The following GRIK3 variants were observed in gnomAD, a reference collection of about 807,000 sequenced individuals.
GRIK3 encodes glutamate ionotropic receptor kainate type subunit 3, also known as glutamate receptor ionotropic, kainate 3.
GRIK3 carries 29 observed loss-of-function variants against 102.5 expected under a neutral mutation model. The ratio of observed to expected loss-of-function variants is 0.28; its 90% confidence interval spans 0.21 to 0.39. GRIK3 has a LOEUF of 0.39. GRIK3 is among the 10% of genes least tolerant of loss of function. The probability of loss-of-function intolerance (pLI) is 1.00; values close to 1 mark genes in which losing one functional copy is unlikely to be tolerated. For missense variants in GRIK3, 908 were observed against 1,252.4 expected, an observed-to-expected ratio of 0.73 and a Z score of 4.15; for synonymous variants, 511 against 504.9, an observed-to-expected ratio of 1.01 and a Z score of -0.16.
chr1:37,032,958 G>C (rs574175479), intron 1 of GRIK3, among the ~76,000 whole-genome samples: 8 of 152,296 alleles, frequency 5.3e-5, no homozygotes, highest in African/African-American at 1.9e-4. Flanking sequence ...TGGCTCGGCG[G>C]AGTCCGGCTC....
chr1:36,901,448 A>G (rs555871052), intron 1 of GRIK3, among the ~76,000 whole-genome samples: 4 of 152,356 alleles, frequency 2.6e-5, no homozygotes, highest in Admixed American at 2.0e-4. Flanking sequence ...TCACATGATC[A>G]TATCAACAGA....
intron 1 of GRIK3, among the ~76,000 whole-genome samples, chr1:37,017,582 G>A (rs1211205115): frequency 5.9e-5 from 9 of 152,150 alleles, no homozygotes; most frequent in South Asian, 2.1e-4. Context: ...ATCTCTTGCC[G>A]CACAGTTGGG....
intron 1 of GRIK3, among the ~76,000 whole-genome samples, chr1:37,006,724 G>A (rs1170807036): frequency 1.3e-5 from 2 of 152,244 alleles, no homozygotes; most frequent in Admixed American, 6.5e-5. Context: ...GCAGAGTGAG[G>A]GAGGTGGGGC....
chr1:37,030,733 A>T (rs1237986864), intron 1 of GRIK3, among the ~76,000 whole-genome samples: 1 of 152,022 alleles, frequency 6.6e-6, no homozygotes, highest in Admixed American at 6.5e-5. Flanking sequence ...CCTCAATCCT[A>T]CATATGCCCA....
intron 11 of GRIK3, among the ~76,000 whole-genome samples, chr1:36,822,605 C>T (rs79750872): frequency 0.017 from 2,658 of 152,244 alleles, 87 homozygotes; most frequent in African/African-American, 0.061. Flanking sequence ...TAGAAGTTGA[C>T]CTGGAGACAC....
At chr1:36,971,791 C>T (rs1449820503) in intron 1 of GRIK3, among the ~76,000 whole-genome samples, 1 of 152,188 alleles carries the variant, frequency 6.6e-6, no homozygotes, top group Non-Finnish European at 1.5e-5. Context: ...CCAGCACAGT[C>T]ATCAGCATCC....
At chr1:36,957,358 CCT>C (rs1270627148) in intron 1 of GRIK3, among the ~76,000 whole-genome samples, 4 of 147,016 alleles carry the variant, frequency 2.7e-5, no homozygotes, top group African/African-American at 7.6e-5. Context: ...GCCTATGCCC[CCT>C]GAGTCTGTGC....
rs574696621 is a variant in GRIK3, at chr1:36,852,351, A to G, written c.1212+1264T>C. Among the ~76,000 whole-genome samples the G allele has an allele frequency of 6.8e-4, 103 of 152,322 alleles. 1 individual carries two copies. Among genetic ancestry groups the G allele is most frequent in the Non-Finnish European group, 1.2e-3 (85 of 68,032 alleles). Reference sequence around the variant, plus strand: ...GGCAGAGCCAGCCTTTGCCTGAGGGACAGAGGTCACATCCTGCAACCAGGG... The same window carrying G: ...GGCAGAGCCAGCCTTTGCCTGAGGGGCAGAGGTCACATCCTGCAACCAGGG... On this transcript the variant is annotated intron_variant, in intron 8 of 15. Coordinates refer to ENST00000373091, the MANE Select transcript of GRIK3 (RefSeq NM_000831.4).
chr1:36,871,611 C>T (rs1640844542), intron 4 of GRIK3, among the ~76,000 whole-genome samples: 1 of 152,218 alleles, frequency 6.6e-6, no homozygotes, highest in Non-Finnish European at 1.5e-5. Context: ...CCCAGCAGGC[C>T]ATGCTGAGCT....
intron 15 of GRIK3, among the ~76,000 whole-genome samples, chr1:36,803,979 T>C (rs1642471012): frequency 1.3e-5 from 2 of 152,226 alleles, no homozygotes; most frequent in African/African-American, 4.8e-5. Context: ...CCAAAATGTA[T>C]GGATGCTGTG....
At chr1:36,874,080 A>G (rs1320601832) in intron 3 of GRIK3, among the ~76,000 whole-genome samples, 2 of 152,176 alleles carry the variant, frequency 1.3e-5, no homozygotes. Flanking sequence ...TTTTTGCTTA[A>G]GCCAGTTTGC....
At chr1:36,958,430 A>AGT (rs774252745) in intron 1 of GRIK3, among the ~76,000 whole-genome samples, 1 of 93,636 alleles carries the variant, frequency 1.1e-5, no homozygotes, top group Non-Finnish European at 2.0e-5. Context: ...GTGCCCCGTG[A>AGT]CTCTGTGCCC....
chr1:36,822,344 G>A (rs1439249605), intron 11 of GRIK3, among the ~76,000 whole-genome samples: 2 of 152,226 alleles, frequency 1.3e-5, no homozygotes, highest in Admixed American at 6.5e-5. Context: ...GCCGTTACAG[G>A]TTGGGGTCCT....
At chr1:36,803,588 G>A (rs1356918344) in intron 15 of GRIK3, among the ~76,000 whole-genome samples, 1 of 151,998 alleles carries the variant, frequency 6.6e-6, no homozygotes, top group Non-Finnish European at 1.5e-5. Context: ...AAGCCACCAC[G>A]CCCAGCTAAT....
chr1:36,898,631 GAAATCCTTATGACATTTCAATGTCAATGA>G (rs1467193693), intron 1 of GRIK3, among the ~76,000 whole-genome samples: 1 of 152,144 alleles, frequency 6.6e-6, no homozygotes, highest in African/African-American at 2.4e-5. Context: ...TAGATTCAAT[GAAATCCTTATGACATTTCAATGTCAATGA>G]AAATCCCAAT....
At chr1:36,922,323 G>A (rs559264583) in intron 1 of GRIK3, among the ~76,000 whole-genome samples, 1 of 152,304 alleles carries the variant, frequency 6.6e-6, no homozygotes, top group Non-Finnish European at 1.5e-5. Flanking sequence ...AGGTCAGGCG[G>A]TGGGTTCTGC....
chr1:36,931,542 T>C (rs1641589189), intron 1 of GRIK3, among the ~76,000 whole-genome samples: 1 of 152,258 alleles, frequency 6.6e-6, no homozygotes, highest in African/African-American at 2.4e-5. Flanking sequence ...GCAAGTTTCA[T>C]GAGGATATGG....
At chr1:36,922,549 C>T (rs1033330234) in intron 1 of GRIK3, among the ~76,000 whole-genome samples, 3 of 152,236 alleles carry the variant, frequency 2.0e-5, no homozygotes, top group Non-Finnish European at 4.4e-5. Flanking sequence ...GAATATCACC[C>T]TTCACTCCCC....
At chr1:36,844,336 G>A (rs1384275226) in intron 9 of GRIK3, among the ~76,000 whole-genome samples, 2 of 152,262 alleles carry the variant, frequency 1.3e-5, no homozygotes, top group Admixed American at 6.5e-5. Flanking sequence ...GCTCAACAAG[G>A]TTGGAGAAGA....
Sources: allele counts gnomAD v4.1 joint callset (sites outside exome capture counted in the v4.1 genomes callset), GRCh38; gene constraint gnomAD v4.1.1; transcripts MANE v1.5; gene names NCBI Gene and HGNC (gene_info 2026-07-23, HGNC 2026-07-21).